AGPAT4: variants seen among roughly 807,000 people sequenced by gnomAD.
The protein encoded by AGPAT4 is 1-acyl-sn-glycerol-3-phosphate acyltransferase delta.
A neutral mutation model predicts 48.0 loss-of-function variants in AGPAT4; 15 were observed. That is an observed-to-expected ratio of 0.31 (90% confidence interval 0.21 to 0.48). The LOEUF (loss-of-function observed/expected upper bound fraction) is 0.48, where lower values mean the gene tolerates loss of function less well. AGPAT4 is among the 20% of genes least tolerant of loss of function. AGPAT4 has a pLI of 0.99. For synonymous variants in AGPAT4, 178 were observed against 198.7 expected (o/e 0.90, Z 0.88); for missense variants, 314 against 482.5 (o/e 0.65, Z 3.27).
Position 161,202,263 on chromosome 6 carries a change from C to T in AGPAT4, c.178+29773G>A, listed in dbSNP as rs1781257268. Among the ~76,000 whole-genome samples, 1 of 152,090 alleles carries T rather than the reference C, an allele frequency of 6.6e-6. No individual in the cohort carries two copies. Among genetic ancestry groups the T allele is most frequent in the Non-Finnish European group, 1.5e-5 (1 of 68,024 alleles). On this transcript the variant is annotated intron_variant, in intron 2 of 8. Transcript: ENST00000320285. This position sits in a 1 kb window ranked among gnomAD's most constrained non-coding sequence, Gnocchi z 5.4. ...GGGGATGTCGCAGTCAAGATGTCAG[C>T]TGGGGCTTGCCTGAGGCTGGCAAGG...
chr6:161,161,877 C>CG lies in AGPAT4; in HGVS notation c.348+4370_348+4371insC. 3.9e-6 allele frequency: 1 copy of CG among 254,368 alleles called. No homozygotes were observed. Among genetic ancestry groups the CG allele is most frequent in the Non-Finnish European group, 7.8e-6 (1 of 127,910 alleles). The allele number at this position is 254,368 out of a possible 1,614,324, so 15.8% of individuals were successfully genotyped here. A position where few individuals can be genotyped will look rare whatever the true frequency, so the allele number is the denominator to read the frequency against. ...ACAGGGCTTTATGGGCGCCCTCACG[C>CG]ACAGGCACTCTGCCTAGGAGGGATA... On this transcript the variant is annotated intron_variant, in intron 3 of 8. Coordinates refer to ENST00000320285, the MANE Select transcript of AGPAT4 (RefSeq NM_020133.3). The surrounding 1 kb of genome is among the most constrained non-coding windows in gnomAD (Gnocchi z 4.6).
At position 161,235,206 on chromosome 6, in the gene AGPAT4, C is replaced by T. The variant is rs534744129; in HGVS notation, c.-89-2904G>A. ...TTTTGGGCACATTAACTATTCTGCA[C>T]CTCAGTTTTTCTATCAGTAAAAAGG... is the stretch of plus-strand genomic sequence containing the variant. On this transcript the variant is annotated intron_variant, in intron 1 of 8. Transcript: ENST00000320285. The surrounding 1 kb of genome is among the most constrained non-coding windows in gnomAD (Gnocchi z 6.2). Among the ~76,000 whole-genome samples, 1 of 152,218 alleles carries T rather than the reference C, an allele frequency of 6.6e-6. No individual in the cohort carries two copies. The highest frequency in any genetic ancestry group is 2.4e-5 in the African/African-American group (1 of 41,526).
chr6:161,147,234 C>G lies in AGPAT4; in HGVS notation c.768-635G>C, dbSNP rs190203038. 2.6e-4 allele frequency among the ~76,000 whole-genome samples: 39 copies of G among 152,068 alleles called. No homozygotes were observed. Among genetic ancestry groups the G allele is most frequent in the African/African-American group, 8.9e-4 (37 of 41,418 alleles). ...GGGGTCTTGAGTCACTGTGCACCAGCGAGAGCTCAGAGACTTGGGTGGCTC... is the reference window on the plus strand; with the variant it reads ...GGGGTCTTGAGTCACTGTGCACCAGGGAGAGCTCAGAGACTTGGGTGGCTC... On this transcript the variant is annotated intron_variant, in intron 6 of 8. Coordinates refer to ENST00000320285, the MANE Select transcript of AGPAT4 (RefSeq NM_020133.3). The surrounding 1 kb of genome is among the most constrained non-coding windows in gnomAD (Gnocchi z 4.8).
In AGPAT4 at chr6:161,201,279, C is replaced by G. The variant is rs1256086624; in HGVS notation, c.178+30757G>C. Among the ~76,000 whole-genome samples, 1 of 152,148 alleles carries G rather than the reference C, an allele frequency of 6.6e-6. No individual in the cohort carries two copies. Among genetic ancestry groups the G allele is most frequent in the African/African-American group, 2.4e-5 (1 of 41,424 alleles). On this transcript the variant is annotated intron_variant, in intron 2 of 8. Coordinates refer to ENST00000320285, the MANE Select transcript of AGPAT4 (RefSeq NM_020133.3). This position sits in a 1 kb window ranked among gnomAD's most constrained non-coding sequence, Gnocchi z 6.0. ...GCCATTAATGAAAAATGACAATTTTCTCTGGGACTGGATTAATGAGCTCTA... is the reference window on the plus strand; with the variant it reads ...GCCATTAATGAAAAATGACAATTTTGTCTGGGACTGGATTAATGAGCTCTA...
At chr6:161,181,372 A>T (rs373406038) in intron 2 of AGPAT4, among the ~76,000 whole-genome samples, 10 of 151,996 alleles carry the variant, frequency 6.6e-5, no homozygotes, top group African/African-American at 2.4e-4. Flanking sequence ...GCTGTACCAC[A>T]CTTACACTTC....
At position 161,246,349 on chromosome 6, in the gene AGPAT4, T is replaced by A. The variant is rs1782647204; in HGVS notation, c.-89-14047A>T. ...ATTCATTCAGCTAAAAATTCATTGA[T>A]TCATATTTAAGTTCTACTATATACT... On this transcript the variant is annotated intron_variant, in intron 1 of 8. Transcript: ENST00000320285. This position sits in a 1 kb window ranked among gnomAD's most constrained non-coding sequence, Gnocchi z 5.5. Among the ~76,000 whole-genome samples the A allele has an allele frequency of 1.3e-5, 2 of 152,328 alleles. No individual in the cohort carries two copies. The highest frequency in any genetic ancestry group is 4.1e-4 in the South Asian group (2 of 4,830).
In AGPAT4 at chr6:161,142,146, G is replaced by A. The variant is rs1049997960; in HGVS notation, c.844-2526C>T. Among the ~76,000 whole-genome samples, 8 of 152,286 alleles carry A rather than the reference G, an allele frequency of 5.3e-5. No homozygotes were observed. The highest frequency in any genetic ancestry group is 1.2e-4 in the Non-Finnish European group (8 of 68,020). ...TGGGATTACAGGCGTGAGCCATTGC[G>A]CCCAGCCCCATTCACTTTAAAGTTT... On this transcript the variant is annotated intron_variant, in intron 7 of 8. Transcript: ENST00000320285. The surrounding 1 kb of genome is among the most constrained non-coding windows in gnomAD (Gnocchi z 6.4).
Position 161,139,343 on chromosome 6 carries a change from T to C in AGPAT4, c.1042+79A>G. ...TCCACGGCACAACTGCCTATACAGA[T>C]GGCCTTCGTCCCAGCCCTGATGCCA... On this transcript the variant is annotated intron_variant, in intron 8 of 8. Coordinates refer to ENST00000320285, the MANE Select transcript of AGPAT4 (RefSeq NM_020133.3). The surrounding 1 kb of genome is among the most constrained non-coding windows in gnomAD (Gnocchi z 9.1). 2.0e-6 allele frequency: 3 copies of C among 1,490,532 alleles called. No individual in the cohort carries two copies. Among genetic ancestry groups the C allele is most frequent in the Non-Finnish European group, 2.8e-6 (3 of 1,084,910 alleles). 92.3% of individuals were successfully genotyped at this position (1,490,532 alleles called of 1,614,324 possible). A position where few individuals can be genotyped will look rare whatever the true frequency, so the allele number is the denominator to read the frequency against.
intron 2 of AGPAT4, among the ~76,000 whole-genome samples, chr6:161,170,457 GCACACGTGCGCGCGCGCACAC>G (rs1333642094): frequency 7.8e-6 from 1 of 128,820 alleles, no homozygotes; most frequent in Non-Finnish European, 1.6e-5. Context: ...ACATGCGCGT[GCACACGTGCGCGCGCGCACAC>G]ACACACACAC....
intron 1 of AGPAT4, among the ~76,000 whole-genome samples, chr6:161,271,620 G>A (rs1783426552): frequency 6.6e-6 from 1 of 152,174 alleles, no homozygotes. Context: ...CTAGGCCAAA[G>A]CTGCTAACTG....
At chr6:161,172,256 G>A (rs562477383) in intron 2 of AGPAT4, among the ~76,000 whole-genome samples, 27 of 152,330 alleles carry the variant, frequency 1.8e-4, no homozygotes, top group African/African-American at 5.0e-4. Context: ...GGAAGGACAT[G>A]GTCAGCGGAG....
At chr6:161,194,941 T>C (rs1781032391) in intron 2 of AGPAT4, among the ~76,000 whole-genome samples, 1 of 152,196 alleles carries the variant, frequency 6.6e-6, no homozygotes, top group African/African-American at 2.4e-5. Flanking sequence ...TTACTTCTAG[T>C]TTCCCTTAGA....
In AGPAT4 at chr6:161,149,899, T is replaced by C. The variant is rs1779539658; in HGVS notation, c.665-610A>G. Among the ~76,000 whole-genome samples the C allele has an allele frequency of 6.6e-6, 1 of 152,166 alleles. No individual in the cohort carries two copies. Among genetic ancestry groups the C allele is most frequent in the Non-Finnish European group, 1.5e-5 (1 of 68,042 alleles). ...GGTCTAGAGGTACTACGACGATGAT[T>C]TGTAACTTTCTAATGTGCCCAGCCT... On this transcript the variant is annotated intron_variant, in intron 5 of 8. Transcript: ENST00000320285. This position sits in a 1 kb window ranked among gnomAD's most constrained non-coding sequence, Gnocchi z 6.5.
At position 161,171,492 on chromosome 6, in the gene AGPAT4, G is replaced by A. The variant is rs1238066944; in HGVS notation, c.179-5075C>T. 6.6e-6 allele frequency among the ~76,000 whole-genome samples: 1 copy of A among 152,176 alleles called. No homozygotes were observed. The highest frequency in any genetic ancestry group is 1.5e-5 in the Non-Finnish European group (1 of 68,036). ...AGCGGCTGAACTCATCCACTTAGCA[G>A]GAACCCACTGACCCACTCCTGAAAT... On this transcript the variant is annotated intron_variant, in intron 2 of 8. Coordinates refer to ENST00000320285, the MANE Select transcript of AGPAT4 (RefSeq NM_020133.3). The surrounding 1 kb of genome is among the most constrained non-coding windows in gnomAD (Gnocchi z 4.4).
Position 161,234,011 on chromosome 6 carries a change from C to A in AGPAT4, c.-89-1709G>T, listed in dbSNP as rs527988229. ...TGATCTTGGGGCTCAGTTTTAACTC[C>A]GAGCTCTTTCTCCTGCACGTGTCAG... On this transcript the variant is annotated intron_variant, in intron 1 of 8. Transcript: ENST00000320285. This position sits in a 1 kb window ranked among gnomAD's most constrained non-coding sequence, Gnocchi z 4.4. Among the ~76,000 whole-genome samples, 1 of 152,128 alleles carries A rather than the reference C, an allele frequency of 6.6e-6. No individual in the cohort carries two copies. The highest frequency in any genetic ancestry group is 1.5e-5 in the Non-Finnish European group (1 of 68,026).
chr6:161,219,771 G>A lies in AGPAT4; in HGVS notation c.178+12265C>T, dbSNP rs1007831137. ...AGTGACTAAATTCCCTATTTAAAACGTAAGGTCATTTCTTGTACCAGGGAC... is the reference window on the plus strand; with the variant it reads ...AGTGACTAAATTCCCTATTTAAAACATAAGGTCATTTCTTGTACCAGGGAC... On this transcript the variant is annotated intron_variant, in intron 2 of 8. Transcript: ENST00000320285. The surrounding 1 kb of genome is among the most constrained non-coding windows in gnomAD (Gnocchi z 4.9). 7.3e-5 allele frequency among the ~76,000 whole-genome samples: 11 copies of A among 151,394 alleles called. No individual in the cohort carries two copies. The highest frequency in any genetic ancestry group is 1.9e-4 in the East Asian group (1 of 5,178).
rs1781372449 is a variant in AGPAT4 at position 161,206,110 on chromosome 6, T to A, written c.178+25926A>T. Among the ~76,000 whole-genome samples the A allele has an allele frequency of 6.6e-6, 1 of 152,072 alleles. No homozygotes were observed. The highest frequency in any genetic ancestry group is 2.4e-5 in the African/African-American group (1 of 41,404). ...CCAAGAAAAGCCTGCTCCCTCCAGC[T>A]AAAGGATCAGGGAAGTGGCAGCCTA... On this transcript the variant is annotated intron_variant, in intron 2 of 8. Transcript: ENST00000320285. This position sits in a 1 kb window ranked among gnomAD's most constrained non-coding sequence, Gnocchi z 4.8.
chr6:161,137,822 TCCC>T lies in AGPAT4; in HGVS notation c.1043-1191_1043-1189del, dbSNP rs1779119854. On this transcript the variant is annotated intron_variant, in intron 8 of 8. Coordinates refer to ENST00000320285, the MANE Select transcript of AGPAT4 (RefSeq NM_020133.3). This position sits in a 1 kb window ranked among gnomAD's most constrained non-coding sequence, Gnocchi z 6.1. ...GCACCCCTCAGATGCTCCTGAAGAC[TCCC>T]TGTGTCCACACTGCACCCCTCAGAT... is the stretch of plus-strand genomic sequence containing the variant. Among the ~76,000 whole-genome samples, 1 of 150,430 alleles carries T rather than the reference TCCC, an allele frequency of 6.6e-6. No individual in the cohort carries two copies. The highest frequency in any genetic ancestry group is 2.5e-5 in the African/African-American group (1 of 40,668).
chr6:161,194,492 ATG>A lies in AGPAT4; in HGVS notation c.179-28077_179-28076del, dbSNP rs10586791. On this transcript the variant is annotated intron_variant, in intron 2 of 8. Transcript: ENST00000320285. Reference sequence around the variant, plus strand: ...TTAGAATATGCGCATGTATGTGTGTATGTGTGTGTGTGCATGTAAGTATATGT... The same window carrying A: ...TTAGAATATGCGCATGTATGTGTGTATGTGTGTGTGCATGTAAGTATATGT... Among the ~76,000 whole-genome samples, 42 of 147,896 alleles carry A rather than the reference ATG, an allele frequency of 2.8e-4. No homozygotes were observed. The South Asian group carries it at 3.0e-3, about 11-fold the overall frequency.
Sources: gnomAD v4.1 joint callset for allele counts (sites outside exome capture counted in the v4.1 genomes callset) on GRCh38, gnomAD v4.1.1 for gene constraint, Gnocchi (gnomAD v3.1) non-coding constraint, MANE v1.5 for transcripts, NCBI Gene and HGNC (gene_info 2026-07-23, HGNC 2026-07-21) for gene names.